Variants in SLC16A9 observed in about 807,000 individuals in gnomAD.
The protein encoded by SLC16A9 is solute carrier family 16 member 9, also known as monocarboxylate transporter 9.
Under a neutral mutation model 44.3 loss-of-function variants are expected in SLC16A9, and 26 were observed. The observed-to-expected ratio is 0.59, with a 90% CI of 0.43 to 0.81. The LOEUF (loss-of-function observed/expected upper bound fraction) is 0.81, where lower values mean the gene tolerates loss of function less well. Ranked by LOEUF, SLC16A9 falls within the 40% of genes least tolerant of loss-of-function variation. SLC16A9 has a pLI of 0.00. For synonymous variants in SLC16A9, 230 were observed against 225.1 expected, an observed-to-expected ratio of 1.02 and a Z score of -0.19; for missense variants, 559 against 595.8, an observed-to-expected ratio of 0.94 and a Z score of 0.64.
At chr10:59,671,019 A>G (rs1239839344) in intron 3 of SLC16A9, among the ~76,000 whole-genome samples, 1 of 152,160 alleles carries the variant, frequency 6.6e-6, no homozygotes, top group East Asian at 1.9e-4. Flanking sequence ...ATCTTGCTTG[A>G]CATCATTTAG....
chr10:59,681,818 G>GTAT lies in SLC16A9; in HGVS notation c.196+2277_196+2278insATA, dbSNP rs1554871668. The stretch of plus-strand genomic sequence containing the variant: ...TATATGTATATGTATATGTATATAT[G>GTAT]ATGTATATGTATATGTATATGATGT... On this transcript the variant is annotated intron_variant, in intron 2 of 5. Coordinates refer to ENST00000395348, the MANE Select transcript of SLC16A9 (RefSeq NM_194298.3). Among the ~76,000 whole-genome samples, 32 of 30,160 alleles carry GTAT rather than the reference G, an allele frequency of 1.1e-3. 1 individual carries two copies. The highest frequency in any genetic ancestry group is 3.5e-3 in the African/African-American group (31 of 8,922). 19.8% of individuals were successfully genotyped at this position (30,160 alleles called of 152,430 possible). A position where few individuals can be genotyped will look rare whatever the true frequency, so the allele number is the denominator to read the frequency against.
chr10:59,662,982 T>C (rs551717315), intron 4 of SLC16A9, among the ~76,000 whole-genome samples: 37 of 152,290 alleles, frequency 2.4e-4, no homozygotes, highest in Non-Finnish European at 5.3e-4. Context: ...CATGCACATG[T>C]ATGTTTATTG....
intron 1 of SLC16A9, among the ~76,000 whole-genome samples, chr10:59,696,684 A>G (rs376675679): frequency 2.8e-5 from 4 of 143,522 alleles, no homozygotes; most frequent in African/African-American, 1.0e-4. Flanking sequence ...GCCGCCCATC[A>G]TCTGAGATGT....
At chr10:59,663,435 A>C (rs1221280643) in intron 4 of SLC16A9, among the ~76,000 whole-genome samples, 1 of 152,226 alleles carries the variant, frequency 6.6e-6, no homozygotes, top group South Asian at 2.1e-4. Flanking sequence ...GCCATAAAAA[A>C]GAATGAGTTT....
chr10:59,690,617 G>A (rs1272913215), intron 1 of SLC16A9, among the ~76,000 whole-genome samples: 1 of 152,098 alleles, frequency 6.6e-6, no homozygotes, highest in Non-Finnish European at 1.5e-5. Context: ...GAGTTGGAGA[G>A]GGCAGTTCTT....
intron 1 of SLC16A9, among the ~76,000 whole-genome samples, chr10:59,706,940 C>G (rs1840651166): frequency 6.7e-6 from 1 of 148,646 alleles, no homozygotes; most frequent in African/African-American, 2.5e-5. Flanking sequence ...AGCCACTGCA[C>G]TCCAGCCTGG....
At position 59,701,628 on chromosome 10, in the gene SLC16A9, T is replaced by C. The variant is rs1474096798; in HGVS notation, c.-37+7851A>G. Reference sequence around the variant, plus strand: ...TTTATAAAACCATGTTGTGTTCATATGACATCAGATATCCAGATCTTTAAA... The same window carrying C: ...TTTATAAAACCATGTTGTGTTCATACGACATCAGATATCCAGATCTTTAAA... On this transcript the variant is annotated intron_variant, in intron 1 of 5. Transcript: ENST00000395348. 2.6e-5 allele frequency among the ~76,000 whole-genome samples: 4 copies of C among 152,258 alleles called. No homozygotes were observed. In the South Asian group the frequency reaches 6.2e-4, roughly 24 times the overall value.
intron 3 of SLC16A9, among the ~76,000 whole-genome samples, chr10:59,666,816 C>T (rs11006671): frequency 0.029 from 4,416 of 149,702 alleles, 203 homozygotes; most frequent in African/African-American, 0.1. Flanking sequence ...AATGAACCAA[C>T]GCTGGGAAAC....
At chr10:59,695,810 G>A (rs189510153) in intron 1 of SLC16A9, among the ~76,000 whole-genome samples, 1 of 152,292 alleles carries the variant, frequency 6.6e-6, no homozygotes, top group East Asian at 1.9e-4. Context: ...GGGTTTCCGA[G>A]GTCAACATCA....
intron 1 of SLC16A9, among the ~76,000 whole-genome samples, chr10:59,696,437 G>C (rs796920777): frequency 1.3e-5 from 2 of 152,186 alleles, no homozygotes; most frequent in East Asian, 3.9e-4. Context: ...GTGCAGTGGC[G>C]TGATCTCTGC....
chr10:59,665,691 C>T (rs187108470), intron 3 of SLC16A9, among the ~76,000 whole-genome samples: 2 of 152,214 alleles, frequency 1.3e-5, no homozygotes, highest in Admixed American at 1.3e-4. Flanking sequence ...AAAAGTGTCA[C>T]CCTTAACTAA....
chr10:59,686,818 C>T (rs762053061), intron 1 of SLC16A9, among the ~76,000 whole-genome samples: 1 of 152,134 alleles, frequency 6.6e-6, no homozygotes, highest in Non-Finnish European at 1.5e-5. Flanking sequence ...GATTTATTGG[C>T]TGTCTCTGTT....
At chr10:59,700,239 A>G (rs1840493101) in intron 1 of SLC16A9, among the ~76,000 whole-genome samples, 1 of 152,162 alleles carries the variant, frequency 6.6e-6, no homozygotes, top group Admixed American at 6.5e-5. Flanking sequence ...GAAACCACAT[A>G]GCTGGCTACC....
rs1298322328 is a variant in SLC16A9, at chr10:59,651,370, C to T, written c.*1402G>A. 2.6e-5 allele frequency: 4 copies of T among 152,088 alleles called. No homozygotes were observed. The highest frequency in any genetic ancestry group is 4.4e-5 in the Non-Finnish European group (3 of 68,018). The allele number at this position is 152,088 out of a possible 1,614,324, so 9.4% of individuals were successfully genotyped here. ...ACACTTGGCTATTGGTTTATAAAAT[C>T]CCCTGACCTCTTGGGTTTTAAAAAA... On this transcript the variant is annotated 3_prime_UTR_variant, in exon 6 of 6. Transcript: ENST00000395348.
chr10:59,663,634 G>A (rs910118946), intron 4 of SLC16A9, among the ~76,000 whole-genome samples: 1 of 152,070 alleles, frequency 6.6e-6, no homozygotes, highest in African/African-American at 2.4e-5. Context: ...GGGAGGGATA[G>A]CATTAGGAGA....
chr10:59,703,258 A>G (rs937358634), intron 1 of SLC16A9, among the ~76,000 whole-genome samples: 1 of 152,178 alleles, frequency 6.6e-6, no homozygotes, highest in Non-Finnish European at 1.5e-5. Flanking sequence ...AATAGCTAGG[A>G]CTACAGGCAG....
At chr10:59,657,002 G>T (rs370292983) in intron 4 of SLC16A9, among the ~76,000 whole-genome samples, 1 of 152,078 alleles carries the variant, frequency 6.6e-6, no homozygotes, top group South Asian at 2.1e-4. Context: ...ATAACTTCCC[G>T]AAAGGATCAG....
intron 3 of SLC16A9, among the ~76,000 whole-genome samples, chr10:59,671,009 A>G (rs550391130): frequency 6.6e-6 from 1 of 152,282 alleles, no homozygotes; most frequent in African/African-American, 2.4e-5. Context: ...TTTTATTGTT[A>G]TCTTGCTTGA....
At chr10:59,696,696 G>A (rs1840386115) in intron 1 of SLC16A9, among the ~76,000 whole-genome samples, 1 of 150,910 alleles carries the variant, frequency 6.6e-6, no homozygotes, top group South Asian at 2.1e-4. Context: ...CTGAGATGTG[G>A]GGAGCACCTC....
Sources: gnomAD v4.1 joint callset for allele counts (sites outside exome capture counted in the v4.1 genomes callset) on GRCh38, gnomAD v4.1.1 for gene constraint, MANE v1.5 for transcripts, NCBI Gene and HGNC (gene_info 2026-07-23, HGNC 2026-07-21) for gene names.